Variants in GCNT1 observed in about 807,000 individuals in gnomAD.
GCNT1 encodes the protein beta-1,3-galactosyl-O-glycosyl-glycoprotein beta-1,6-N-acetylglucosaminyltransferase.
GCNT1 carries 16 observed loss-of-function variants against 26.2 expected under a neutral mutation model. That is an observed-to-expected ratio of 0.61 (90% CI 0.41 to 0.93). The LOEUF (loss-of-function observed/expected upper bound fraction) is 0.93. GCNT1 is among the 40% of genes least tolerant of loss of function. GCNT1 has a pLI of 0.00. For missense variants in GCNT1, 477 were observed against 526.7 expected (o/e 0.91, Z 0.92); for synonymous variants, 183 against 190.8 (o/e 0.96, Z 0.34).
chr9:76,402,039 T>C, the GCNT1 span, among the ~76,000 whole-genome samples: 4 of 152,216 alleles, frequency 2.6e-5, no homozygotes, highest in African/African-American at 9.7e-5. Flanking sequence ...TAACGTAGAT[T>C]CCTCTTGTGC....
At chr9:76,447,537 G>A (rs1823596825) in intron 1 of GCNT1, among the ~76,000 whole-genome samples, 1 of 152,104 alleles carries the variant, frequency 6.6e-6, no homozygotes, top group Non-Finnish European at 1.5e-5. Flanking sequence ...GAGCCACTGT[G>A]CCCAGCCTAA....
At chr9:76,399,554 G>A in the GCNT1 span, 7 of 1,495,924 alleles carry the variant, frequency 4.7e-6, no homozygotes, top group Non-Finnish European at 6.4e-6. Context: ...TCAGGCCACT[G>A]AATGGGTAGG....
the GCNT1 span, chr9:76,399,291 T>G: frequency 1.4e-6 from 2 of 1,417,026 alleles, no homozygotes; most frequent in Non-Finnish European, 2.0e-6. Context: ...TGGGAGGTCA[T>G]GCCTGATCTC....
intron 1 of GCNT1, among the ~76,000 whole-genome samples, chr9:76,435,271 C>A (rs1823392676): frequency 6.6e-6 from 1 of 152,084 alleles, no homozygotes; most frequent in Non-Finnish European, 1.5e-5. Context: ...TGTGATGTCA[C>A]CCCTGGCGGC....
chr9:76,450,003 C>T (rs1437082782), intron 1 of GCNT1, among the ~76,000 whole-genome samples: 1 of 152,080 alleles, frequency 6.6e-6, no homozygotes, highest in Non-Finnish European at 1.5e-5. Flanking sequence ...AAACTCCTGA[C>T]CTCAAGTGAT....
intron 1 of GCNT1, among the ~76,000 whole-genome samples, chr9:76,454,050 G>A (rs1463790943): frequency 6.6e-6 from 1 of 152,094 alleles, no homozygotes; most frequent in Non-Finnish European, 1.5e-5. Context: ...GCAGAAAAGG[G>A]TTTTTCTTTT....
chr9:76,417,862 G>A (rs1426830980), upstream of GCNT1, among the ~76,000 whole-genome samples: 2 of 152,168 alleles, frequency 1.3e-5, no homozygotes, highest in Admixed American at 6.6e-5. Context: ...TGATTGTAGA[G>A]GGGCCAAGGG....
chr9:76,424,136 A>T (rs763520679), intron 1 of GCNT1, among the ~76,000 whole-genome samples: 40 of 152,358 alleles, frequency 2.6e-4, no homozygotes, highest in Middle Eastern at 3.4e-3. Context: ...ATGAATATCC[A>T]TCCTTATAGA....
At chr9:76,418,108 A>G (rs1053644158), upstream of GCNT1, among the ~76,000 whole-genome samples, 4 of 151,826 alleles carry the variant, frequency 2.6e-5, no homozygotes, top group African/African-American at 9.7e-5. Flanking sequence ...ACATTGGTTC[A>G]GTCCAGAAAG....
chr9:76,503,812 G>T lies in GCNT1; in HGVS notation c.*144G>T. ...AGTAGATCTTCTTGTCAGAGAAGCTGCATGGTTTCTGCAGAGCACAGTTAG... is the reference window on the plus strand; with the variant it reads ...AGTAGATCTTCTTGTCAGAGAAGCTTCATGGTTTCTGCAGAGCACAGTTAG... On this transcript the variant is annotated 3_prime_UTR_variant, in exon 4 of 4. Coordinates refer to ENST00000376730, the MANE Select transcript of GCNT1 (RefSeq NM_001490.5). 1.5e-6 allele frequency: 1 copy of T among 675,938 alleles called. No homozygotes were observed. The highest frequency in any genetic ancestry group is 2.6e-6 in the Non-Finnish European group (1 of 378,972). The allele number at this position is 675,938 out of a possible 1,614,324, so 41.9% of individuals were successfully genotyped here. A position where few individuals can be genotyped will look rare whatever the true frequency, so the allele number is the denominator to read the frequency against.
chr9:76,491,885 G>A (rs922416823), intron 2 of GCNT1, among the ~76,000 whole-genome samples: 2 of 152,286 alleles, frequency 1.3e-5, no homozygotes, highest in South Asian at 4.1e-4. Context: ...TTGTCTGATA[G>A]CCATGAACTT....
chr9:76,438,643 C>T (rs779373829), upstream of GCNT1, among the ~76,000 whole-genome samples: 13 of 151,982 alleles, frequency 8.6e-5, no homozygotes, highest in Non-Finnish European at 1.8e-4. Flanking sequence ...TTTTTGTTTA[C>T]AGCCATTTCA....
the GCNT1 span, among the ~76,000 whole-genome samples, chr9:76,414,205 G>A: frequency 6.6e-6 from 1 of 152,296 alleles, no homozygotes; most frequent in African/African-American, 2.4e-5. Flanking sequence ...TATCTAGTCT[G>A]ATTCTGATGC....
chr9:76,408,842 G>A, the GCNT1 span, among the ~76,000 whole-genome samples: 4 of 151,772 alleles, frequency 2.6e-5, no homozygotes, highest in Admixed American at 6.6e-5. Flanking sequence ...AGTGTGCCAT[G>A]ACACCCAGCT....
the GCNT1 span, among the ~76,000 whole-genome samples, chr9:76,411,776 A>C: frequency 1.5e-5 from 2 of 133,460 alleles, no homozygotes; most frequent in Non-Finnish European, 3.0e-5. Flanking sequence ...ATCTTGGCTC[A>C]CTGCAACCTC....
At chr9:76,473,743 C>A (rs615928) in intron 2 of GCNT1, among the ~76,000 whole-genome samples, 7,391 of 152,204 alleles carry the variant, frequency 0.049, 202 homozygotes, top group Middle Eastern at 0.11. Context: ...CTGGGGCAGT[C>A]CGGTTGGAGA....
intron 1 of GCNT1, among the ~76,000 whole-genome samples, chr9:76,427,251 T>A (rs1181541281): frequency 6.6e-6 from 1 of 150,422 alleles, no homozygotes; most frequent in Non-Finnish European, 1.5e-5. Context: ...GGCTGGAGTG[T>A]AGTGGCACAG....
chr9:76,475,133 C>G (rs1023881369), intron 2 of GCNT1, among the ~76,000 whole-genome samples: 1 of 152,190 alleles, frequency 6.6e-6, no homozygotes, highest in African/African-American at 2.4e-5. Flanking sequence ...TCTCACATAC[C>G]TCTTTTCATG....
At chr9:76,485,736 CTTT>C (rs34832618) in intron 2 of GCNT1, among the ~76,000 whole-genome samples, 1 of 146,818 alleles carries the variant, frequency 6.8e-6, no homozygotes, top group African/African-American at 2.5e-5. Context: ...CTGTCTCTTC[CTTT>C]TTTTTTTTTG....
Sources: gnomAD v4.1 joint callset for allele counts (sites outside exome capture counted in the v4.1 genomes callset) on GRCh38, gnomAD v4.1.1 for gene constraint, MANE v1.5 for transcripts, NCBI Gene and HGNC (gene_info 2026-07-23, HGNC 2026-07-21) for gene names.